SYN3: variants seen among roughly 807,000 people sequenced by gnomAD.
The protein encoded by SYN3 is synapsin-3.
A neutral mutation model predicts 65.8 loss-of-function variants in SYN3; 35 were observed. The observed-to-expected ratio is 0.53, with a 90% CI of 0.41 to 0.70. The LOEUF (loss-of-function observed/expected upper bound fraction) is 0.70, where lower values mean the gene tolerates loss of function less well. Ranked by LOEUF, SYN3 falls within the 30% of genes least tolerant of loss-of-function variation. The pLI is 0.00. For missense variants in SYN3, 680 were observed against 749.0 expected (o/e 0.91, Z 1.08); for synonymous variants, 270 against 292.9 (o/e 0.92, Z 0.80).
At chr22:32,636,795 A>C (rs9621513) in intron 6 of SYN3, among the ~76,000 whole-genome samples, 1 of 152,072 alleles carries the variant, frequency 6.6e-6, no homozygotes, top group African/African-American at 2.4e-5. Flanking sequence ...TTCATTTGCT[A>C]TATGATCCTG....
Position 32,990,301 on chromosome 22 carries a change from A to AATCCATCCATCC in SYN3, c.312-9611_312-9600dup, listed in dbSNP as rs113493698. On this transcript the variant is annotated intron_variant, in intron 2 of 13. Transcript: ENST00000358763. ...GAATCCATCCATGAATCCATCCATG[A>AATCCATCCATCC]ATCCATCCATCCATCCATCCATCCA... is the stretch of plus-strand genomic sequence containing the variant. Among the ~76,000 whole-genome samples, 72 of 139,544 alleles carry AATCCATCCATCC rather than the reference A, an allele frequency of 5.2e-4. No homozygotes were observed. The East Asian group carries it at 9.0e-3, about 17-fold the overall frequency. 91.5% of individuals were successfully genotyped at this position (139,544 alleles called of 152,430 possible).
intron 6 of SYN3, among the ~76,000 whole-genome samples, chr22:32,603,283 C>T (rs993901856): frequency 8.6e-5 from 13 of 150,380 alleles, no homozygotes; most frequent in South Asian, 2.1e-4. Flanking sequence ...CAGGCCAAGG[C>T]GGGCGGATCA....
intron 5 of SYN3, 87 bp from the exon 6 acceptor site, chr22:32,865,091 G>C: frequency 9.2e-7 from 1 of 1,091,102 alleles, no homozygotes; most frequent in Non-Finnish European, 1.4e-6. Flanking sequence ...TCAAGCATCT[G>C]ACTGTTCTGA....
chr22:32,925,261 TTCTTA>T (rs1219737174), intron 4 of SYN3, among the ~76,000 whole-genome samples: 1 of 152,178 alleles, frequency 6.6e-6, no homozygotes, highest in Non-Finnish European at 1.5e-5. Context: ...AATTTCCCTC[TTCTTA>T]TAAGGACACC....
intron 7 of SYN3, among the ~76,000 whole-genome samples, chr22:32,590,941 C>T (rs570242210): frequency 3.9e-5 from 6 of 152,206 alleles, no homozygotes; most frequent in African/African-American, 1.4e-4. Context: ...TTTTGGGTGC[C>T]CAGAACAGGT....
At chr22:32,713,505 C>T (rs908227352) in intron 6 of SYN3, among the ~76,000 whole-genome samples, 3 of 152,158 alleles carry the variant, frequency 2.0e-5, no homozygotes, top group Admixed American at 6.5e-5. Context: ...GTGGCCTGTG[C>T]CTCCATTCAG....
chr22:32,705,868 G>T (rs1254961205), intron 6 of SYN3, among the ~76,000 whole-genome samples: 1 of 152,200 alleles, frequency 6.6e-6, no homozygotes, highest in Non-Finnish European at 1.5e-5. Context: ...GCTGTTGTAG[G>T]TATATAAGAA....
At chr22:32,593,998 TAG>T (rs756005129) in intron 7 of SYN3, among the ~76,000 whole-genome samples, 1 of 151,600 alleles carries the variant, frequency 6.6e-6, no homozygotes, top group Non-Finnish European at 1.5e-5. Context: ...CTGTAAATGA[TAG>T]AGAGAGGTGG....
intron 6 of SYN3, among the ~76,000 whole-genome samples, chr22:32,663,658 AACTG>A (rs2060250056): frequency 6.6e-6 from 1 of 152,162 alleles, no homozygotes; most frequent in Admixed American, 6.5e-5. Flanking sequence ...GCAGTGTGGG[AACTG>A]ACTAATACAG....
chr22:32,541,507 C>T (rs2058253424), intron 8 of SYN3, 64 bp downstream of exon 8: 1 of 1,595,594 alleles, frequency 6.3e-7, no homozygotes. Flanking sequence ...GAGACAGCGG[C>T]TGGACATGCA....
At chr22:32,676,528 C>CTTTTTTT (rs879196572) in intron 6 of SYN3, among the ~76,000 whole-genome samples, 15 of 88,914 alleles carry the variant, frequency 1.7e-4, no homozygotes, top group Non-Finnish European at 2.4e-4. Flanking sequence ...TCTTTTCTTT[C>CTTTTTTT]TTTTTTTTTT....
At chr22:33,042,460 C>T (rs754212092) in intron 1 of SYN3, among the ~76,000 whole-genome samples, 3 of 152,184 alleles carry the variant, frequency 2.0e-5, no homozygotes, top group South Asian at 2.1e-4. Flanking sequence ...TTTAGCCAAA[C>T]GGACGTGGTA....
chr22:32,646,131 T>C (rs979421807), intron 6 of SYN3, among the ~76,000 whole-genome samples: 1 of 152,148 alleles, frequency 6.6e-6, no homozygotes, highest in Non-Finnish European at 1.5e-5. Flanking sequence ...AGCAGGAAGA[T>C]TCCCGTGCAT....
At chr22:32,743,829 T>A (rs1349106729) in intron 6 of SYN3, among the ~76,000 whole-genome samples, 2 of 151,992 alleles carry the variant, frequency 1.3e-5, no homozygotes, top group Non-Finnish European at 2.9e-5. Context: ...GGTCCAAGCC[T>A]CCTTTTGGGG....
chr22:32,826,731 T>C (rs2047425618), intron 6 of SYN3, among the ~76,000 whole-genome samples: 1 of 152,214 alleles, frequency 6.6e-6, no homozygotes, highest in Admixed American at 6.5e-5. Context: ...GTCTTCAGAT[T>C]CTGCAAACAT....
chr22:32,571,055 TA>T (rs1211237982), intron 7 of SYN3, among the ~76,000 whole-genome samples: 1 of 152,150 alleles, frequency 6.6e-6, no homozygotes. Context: ...AAATGTTGGC[TA>T]AATAACAGAA....
At chr22:32,678,611 TC>T (rs2060480239) in intron 6 of SYN3, among the ~76,000 whole-genome samples, 1 of 151,036 alleles carries the variant, frequency 6.6e-6, no homozygotes, top group Non-Finnish European at 1.5e-5. Context: ...TCTCCTTCTT[TC>T]TTCCTCTTCT....
intron 2 of SYN3, among the ~76,000 whole-genome samples, chr22:32,992,017 T>C (rs555743063): frequency 6.6e-6 from 1 of 152,142 alleles, no homozygotes; most frequent in East Asian, 1.9e-4. Flanking sequence ...ACCCCAGGAG[T>C]AGCTATTGCT....
At chr22:32,785,981 T>G (rs2046182890) in intron 6 of SYN3, among the ~76,000 whole-genome samples, 1 of 142,080 alleles carries the variant, frequency 7.0e-6, no homozygotes, top group Non-Finnish European at 1.5e-5. Context: ...ATCCAAGGAA[T>G]TCAAACCACT....
Sources: gnomAD v4.1 joint callset for allele counts (sites outside exome capture counted in the v4.1 genomes callset) on GRCh38, gnomAD v4.1.1 for gene constraint, MANE v1.5 for transcripts, NCBI Gene and HGNC (gene_info 2026-07-23, HGNC 2026-07-21) for gene names.